Variants in PYGB observed in about 807,000 individuals in gnomAD.
PYGB encodes the protein glycogen phosphorylase B.
In PYGB, 82 loss-of-function variants were observed where a neutral mutation model predicts 94.3. The ratio of observed to expected loss-of-function variants is 0.87; its 90% confidence interval spans 0.73 to 1.04. The LOEUF (loss-of-function observed/expected upper bound fraction) is 1.04. PYGB is among the 50% of genes least tolerant of loss of function. The pLI is 0.00. For missense variants in PYGB, 1,132 were observed against 1,158.2 expected (o/e 0.98, Z 0.33); for synonymous variants, 488 against 479.1 (o/e 1.02, Z -0.24).
Position 25,276,630 on chromosome 20 carries a change from C to G in PYGB, c.661-16C>G. On this transcript the variant is annotated splice_polypyrimidine_tract_variant and intron_variant, in intron 5 of 19. Transcript: ENST00000216962. ...GCCCTTGCCACTCCGTCCTGAGCAACCCGTTTTGTGGCCAGGTGGTGCTGG... is the reference window on the plus strand; with the variant it reads ...GCCCTTGCCACTCCGTCCTGAGCAAGCCGTTTTGTGGCCAGGTGGTGCTGG... 2 of 1,610,156 alleles carry G rather than the reference C, an allele frequency of 1.2e-6. No homozygotes were observed. The highest frequency in any genetic ancestry group is 1.7e-6 in the Non-Finnish European group (2 of 1,177,046).
intron 6 of PYGB, 117 bp from the exon 7 acceptor site, chr20:25,277,127 C>T: frequency 1.3e-6 from 1 of 761,130 alleles, no homozygotes; most frequent in Non-Finnish European, 2.3e-6. Context: ...AATGCAGCGG[C>T]TGGGGGAGTC....
At chr20:25,280,011 CTTAT>C (rs2088351199) in intron 9 of PYGB, among the ~76,000 whole-genome samples, 1 of 152,198 alleles carries the variant, frequency 6.6e-6, no homozygotes, top group Non-Finnish European at 1.5e-5. Flanking sequence ...GCGATTGTGT[CTTAT>C]TTGTGTGTGT....
At chr20:25,280,495 C>A in intron 10 of PYGB, 83 bp downstream of exon 10, 1 of 1,516,122 alleles carries the variant, frequency 6.6e-7, no homozygotes, top group South Asian at 1.2e-5. Flanking sequence ...AGAGGAGGTG[C>A]TTTGCTCCTT....
Position 25,294,833 on chromosome 20 carries a change from T to G in PYGB, c.2312+541T>G. 9 of 869,474 alleles carry G rather than the reference T, an allele frequency of 1.0e-5. No homozygotes were observed. In the South Asian group the frequency reaches 1.1e-4, roughly 10 times the overall value. 53.9% of individuals were successfully genotyped at this position (869,474 alleles called of 1,614,324 possible). A position where few individuals can be genotyped will look rare whatever the true frequency, so the allele number is the denominator to read the frequency against. On this transcript the variant is annotated intron_variant, in intron 18 of 19. Transcript: ENST00000216962. The stretch of plus-strand genomic sequence containing the variant: ...TTACAGACTTTGTAAGGTTTGCAGC[T>G]CAGGGCAGTTCTTCACCGTTGGCAA...
At position 25,292,502 on chromosome 20, in the gene PYGB, C is replaced by T; in HGVS notation, c.2066C>T (p.Thr689Ile). 1.9e-6 allele frequency: 3 copies of T among 1,613,682 alleles called. No individual in the cohort carries two copies. Among genetic ancestry groups the T allele is most frequent in the Non-Finnish European group, 1.7e-6 (2 of 1,180,014 alleles). Residue 689 changes from threonine (T) to isoleucine (I), a missense_variant, in exon 17 of 20, where the codon ACC becomes ATC. Transcript: ENST00000216962. ...AAGTTCATGCTCAACGGGGCCCTCA[C>T]CATCGGCACCATGGACGGCGCCAAC... ...NMKFMLNGAL[T>I]IGTMDGANVE...
chr20:25,274,659 T>C lies in PYGB; in HGVS notation c.596T>C (p.Leu199Pro). The change falls in exon 5 of 20, where the codon CTT becomes CCT. Residue 199 changes from leucine to proline, a missense_variant. Leu to Pro is a moderately conservative substitution (Grantham distance 98). Coordinates refer to ENST00000216962, the MANE Select transcript of PYGB (RefSeq NM_002862.4). ...PWEKARPEYM[L>P]PVHFYGRVEH... ...GAGAAAGCGCGGCCTGAGTATATGCTTCCCGTGCACTTCTACGGACGCGTG... is the reference window on the plus strand; with the variant it reads ...GAGAAAGCGCGGCCTGAGTATATGCCTCCCGTGCACTTCTACGGACGCGTG... 1 of 1,613,920 alleles carries C rather than the reference T, an allele frequency of 6.2e-7. No homozygotes were observed. Among genetic ancestry groups the C allele is most frequent in the Non-Finnish European group, 8.5e-7 (1 of 1,180,028 alleles).
Position 25,276,776 on chromosome 20 carries a change from GGCACCC to G in PYGB, c.772+20_772+25del, listed in dbSNP as rs2088315871. On this transcript the variant is annotated intron_variant, in intron 6 of 19. Coordinates refer to ENST00000216962, the MANE Select transcript of PYGB (RefSeq NM_002862.4). ...CAGGACTGTACGTTCCGTGGTTCTT[GGCACCC>G]TTGTGTCCATGTGGGTGGCTGGTCC... 6.3e-7 allele frequency: 1 copy of G among 1,596,430 alleles called. No homozygotes were observed. The highest frequency in any genetic ancestry group is 2.2e-5 in the East Asian group (1 of 44,638).
At chr20:25,278,521 G>C in intron 8 of PYGB, 59 bp downstream of exon 8, 1 of 1,595,376 alleles carries the variant, frequency 6.3e-7, no homozygotes. Context: ...TCAGGCTCTT[G>C]AGGTTGCTTT....
chr20:25,287,708 G>A (rs1359979367), intron 14 of PYGB, among the ~76,000 whole-genome samples: 1 of 152,064 alleles, frequency 6.6e-6, no homozygotes, highest in African/African-American at 2.4e-5. Flanking sequence ...TGCGAGGCGC[G>A]GTAGCTCACG....
At chr20:25,294,860 A>G in intron 18 of PYGB, 3 of 1,247,092 alleles carry the variant, frequency 2.4e-6, no homozygotes, top group Non-Finnish European at 2.4e-6. Flanking sequence ...CGTTGGCAAA[A>G]GTTGAATCCG....
intron 2 of PYGB, among the ~76,000 whole-genome samples, chr20:25,265,686 C>G (rs1166987105): frequency 1.3e-5 from 2 of 151,616 alleles, no homozygotes; most frequent in African/African-American, 4.9e-5. Flanking sequence ...GCTTCACCTC[C>G]CGGGTTCACA....
chr20:25,280,901 C>A, intron 10 of PYGB, 48 bp from the exon 11 acceptor site: 1 of 1,595,992 alleles, frequency 6.3e-7, no homozygotes. Context: ...GCTGGGTCTC[C>A]GTGGGGCCTC....
At chr20:25,258,019 A>C (rs2092906023) in intron 1 of PYGB, among the ~76,000 whole-genome samples, 1 of 152,222 alleles carries the variant, frequency 6.6e-6, no homozygotes, top group Admixed American at 6.5e-5. Context: ...AGGACTCATT[A>C]ATTATGCTGC....
At position 25,274,510 on chromosome 20, in the gene PYGB, C is replaced by T. The variant is rs1235104123; in HGVS notation, c.529-82C>T. The T allele has an allele frequency of 1.8e-5, 27 of 1,526,428 alleles. No individual in the cohort carries two copies. In the East Asian group the frequency reaches 3.2e-4, roughly 18 times the overall value. 94.6% of individuals were successfully genotyped at this position (1,526,428 alleles called of 1,614,324 possible). A position where few individuals can be genotyped will look rare whatever the true frequency, so the allele number is the denominator to read the frequency against. On this transcript the variant is annotated intron_variant, in intron 4 of 19. Coordinates refer to ENST00000216962, the MANE Select transcript of PYGB (RefSeq NM_002862.4). ...GTGCCAGGCACTGTGTGATCTCGAC[C>T]GCACGGTCTGCTGGGTCCAGGACAG...
chr20:25,294,866 A>G (rs1213637036), intron 18 of PYGB: 1 of 1,317,118 alleles, frequency 7.6e-7, no homozygotes, highest in Admixed American at 1.7e-5. Flanking sequence ...CAAAAGTTGA[A>G]TCCGGCGAGG....
intron 18 of PYGB, chr20:25,295,022 T>G (rs747280196): frequency 5.6e-6 from 9 of 1,614,224 alleles, no homozygotes; most frequent in Non-Finnish European, 7.6e-6. Context: ...ACCTGGGCCC[T>G]GCTGAGGTCT....
At position 25,284,227 on chromosome 20, in the gene PYGB, C is replaced by G; in HGVS notation, c.1744C>G (p.Leu582Val). The G allele has an allele frequency of 6.2e-7, 1 of 1,614,064 alleles. No individual in the cohort carries two copies. The highest frequency in any genetic ancestry group is 8.5e-7 in the Non-Finnish European group (1 of 1,179,950). ...GTACAAGCGGCAGCTGCTCAACTGC[C>G]TGCACGTCGTCACCCTGTACAATCG... ...HEYKRQLLNC[L>V]HVVTLYNRIK... is the part of the protein sequence containing the mutation. Residue 582 changes from leucine to valine, a missense_variant, in exon 14 of 20, where the codon CTG (leucine) becomes GTG (valine). Transcript: ENST00000216962.
At chr20:25,276,009 T>C (rs1178289928) in intron 5 of PYGB, among the ~76,000 whole-genome samples, 1 of 152,174 alleles carries the variant, frequency 6.6e-6, no homozygotes, top group African/African-American at 2.4e-5. Context: ...CAGGTGAGCC[T>C]CAGCTTTGTG....
chr20:25,279,589 G>A (rs1199643655), intron 9 of PYGB, among the ~76,000 whole-genome samples: 1 of 152,076 alleles, frequency 6.6e-6, no homozygotes, highest in Non-Finnish European at 1.5e-5. Flanking sequence ...GGCCAATGTG[G>A]TGACTCACAC....
Sources: gnomAD v4.1 joint callset for allele counts (sites outside exome capture counted in the v4.1 genomes callset) on GRCh38, gnomAD v4.1.1 for gene constraint, MANE v1.5 for transcripts, NCBI Gene and HGNC (gene_info 2026-07-23, HGNC 2026-07-21) for gene names.